Variants in ABCB7 observed in about 807,000 individuals in gnomAD.
ABCB7 encodes the protein ATP binding cassette subfamily B member 7.
Under a neutral mutation model 54.4 loss-of-function variants are expected in ABCB7, and 7 were observed. The ratio of observed to expected loss-of-function variants is 0.13; its 90% confidence interval spans 0.07 to 0.24. The LOEUF (loss-of-function observed/expected upper bound fraction) is 0.24. ABCB7 is among the 10% of genes least tolerant of loss of function. ABCB7 has a pLI of 1.00. For synonymous variants in ABCB7, 218 were observed against 207.1 expected (o/e 1.05, Z -0.45); for missense variants, 356 against 570.4 (o/e 0.62, Z 3.83).
At chrX:75,081,725 T>C (rs2081457228) in intron 4 of ABCB7, among the ~76,000 whole-genome samples, 1 of 111,812 alleles carries the variant, frequency 8.9e-6, no homozygotes, top group Non-Finnish European at 1.9e-5. Flanking sequence ...AATGTTCCAT[T>C]ACTATGCCAT....
intron 1 of ABCB7, among the ~76,000 whole-genome samples, chrX:75,154,656 G>T (rs1334795471): frequency 9.0e-6 from 1 of 111,435 alleles, no homozygotes; most frequent in African/African-American, 3.3e-5. Flanking sequence ...TCTTTAACTG[G>T]CTAACTTCTA....
intron 15 of ABCB7, 74 bp from the exon 16 acceptor site, chrX:75,053,659 T>G: frequency 8.7e-7 from 1 of 1,148,266 alleles, no homozygotes. Flanking sequence ...ACCAAATACT[T>G]TCTAACTAAG....
chrX:75,072,822 A>G (rs1481753111), intron 8 of ABCB7, among the ~76,000 whole-genome samples: 1 of 112,196 alleles, frequency 8.9e-6, no homozygotes, highest in Non-Finnish European at 1.9e-5. Context: ...AATTTTTAAA[A>G]ACTTTTTTAC....
intron 14 of ABCB7, among the ~76,000 whole-genome samples, chrX:75,061,725 T>G (rs1386095719): frequency 2.7e-5 from 3 of 112,198 alleles, no homozygotes; most frequent in Non-Finnish European, 5.6e-5. Flanking sequence ...CCATTGTTGT[T>G]GAGACTTTTG....
Position 75,099,080 on chromosome X carries a change from C to T in ABCB7, c.334-19G>A, listed in dbSNP as rs1220713251. ...CTTTTAACTATTGAAAGAGAGAAAA[C>T]AAAGCAGTGAATAACATGTCATTTC... On this transcript the variant is annotated intron_variant, in intron 3 of 15. Transcript: ENST00000373394. The T allele has an allele frequency of 1.7e-6, 2 of 1,198,723 alleles. No homozygotes were observed. The highest frequency in any genetic ancestry group is 2.3e-6 in the Non-Finnish European group (2 of 886,289).
chrX:75,154,250 G>C (rs961320727), intron 1 of ABCB7, among the ~76,000 whole-genome samples: 1 of 111,654 alleles, frequency 9.0e-6, no homozygotes, highest in African/African-American at 3.3e-5. Flanking sequence ...TGGAGATAGC[G>C]TTCATGGAAA....
intron 3 of ABCB7, among the ~76,000 whole-genome samples, chrX:75,112,138 T>C (rs2081766392): frequency 1.8e-5 from 2 of 111,624 alleles, no homozygotes; most frequent in African/African-American, 3.3e-5. Context: ...TTTCTATGAA[T>C]AAAATAATTA....
chrX:75,057,763 CT>C lies in ABCB7; in HGVS notation c.2043+2459del, dbSNP rs373357748. Among the ~76,000 whole-genome samples the C allele has an allele frequency of 8.2e-3, 798 of 97,009 alleles. 4 individuals are homozygous for C. Among genetic ancestry groups the C allele is most frequent in the Non-Finnish European group, 0.013 (630 of 49,270 alleles). The allele number at this position is 97,009 out of a possible 115,157, so 84.2% of individuals were successfully genotyped here. A position where few individuals can be genotyped will look rare whatever the true frequency, so the allele number is the denominator to read the frequency against. On this transcript the variant is annotated intron_variant, in intron 15 of 15. Coordinates refer to ENST00000373394, the MANE Select transcript of ABCB7 (RefSeq NM_001271696.3). ...TGTTGGGGTTCTCAAATACAAATAT[CT>C]TTTTTTTTTTTCCTGGGGCTGCTTT...
chrX:75,133,196 G>A (rs759297771), intron 1 of ABCB7, among the ~76,000 whole-genome samples: 1 of 112,115 alleles, frequency 8.9e-6, no homozygotes, highest in Non-Finnish European at 1.9e-5. Flanking sequence ...ACAAGGGGGA[G>A]TATTAACAGC....
chrX:75,156,060 T>C, intron 1 of ABCB7, 45 bp downstream of exon 1: 1 of 1,198,673 alleles, frequency 8.3e-7, no homozygotes. Context: ...TCCCTACAGG[T>C]CCCCTTGCCC....
At chrX:75,083,034 A>G (rs2081468457) in intron 4 of ABCB7, among the ~76,000 whole-genome samples, 2 of 111,936 alleles carry the variant, frequency 1.8e-5, no homozygotes. Context: ...AATTATTAAT[A>G]TATCAACATA....
chrX:75,145,509 G>A (rs1029753517), intron 1 of ABCB7, among the ~76,000 whole-genome samples: 2 of 111,478 alleles, frequency 1.8e-5, no homozygotes, highest in East Asian at 5.6e-4. Flanking sequence ...TACAGAAAAG[G>A]CTTTCAATAA....
At chrX:75,057,174 A>ACC (rs775820991) in intron 15 of ABCB7, among the ~76,000 whole-genome samples, 1 of 111,606 alleles carries the variant, frequency 9.0e-6, no homozygotes, top group South Asian at 3.7e-4. Context: ...ATCTCTTCTA[A>ACC]CCCTTTGTAC....
intron 4 of ABCB7, among the ~76,000 whole-genome samples, chrX:75,085,938 C>T (rs1334251908): frequency 9.1e-6 from 1 of 109,748 alleles, no homozygotes; most frequent in Non-Finnish European, 1.9e-5. Context: ...CTATCGCCTC[C>T]TGTGTTCAAG....
chrX:75,127,932 C>T (rs1203159261), intron 1 of ABCB7, among the ~76,000 whole-genome samples: 1 of 111,686 alleles, frequency 9.0e-6, no homozygotes, highest in Non-Finnish European at 1.9e-5. Flanking sequence ...CAAACCACTG[C>T]TCAAGGAAAT....
chrX:75,062,510 C>G (rs963205126), intron 13 of ABCB7, 79 bp from the exon 14 acceptor site: 193 of 707,696 alleles, frequency 2.7e-4, no homozygotes, highest in Non-Finnish European at 3.8e-4. Context: ...TGATTACAAC[C>G]ACCAAGTAAT....
At chrX:75,074,004 C>T (rs1381001398) in intron 6 of ABCB7, 48 bp from the exon 7 acceptor site, 2 of 1,040,408 alleles carry the variant, frequency 1.9e-6, no homozygotes, top group Non-Finnish European at 2.7e-6. Context: ...TATTGTTCTT[C>T]CCAAACAGTT....
chrX:75,081,441 G>A (rs1040372235), intron 4 of ABCB7, among the ~76,000 whole-genome samples: 1 of 111,861 alleles, frequency 8.9e-6, no homozygotes, highest in African/African-American at 3.2e-5. Context: ...GGGCTCCATG[G>A]CAAAATGGAG....
At chrX:75,100,394 C>A (rs1412747316) in intron 3 of ABCB7, among the ~76,000 whole-genome samples, 2 of 111,012 alleles carry the variant, frequency 1.8e-5, no homozygotes, top group East Asian at 5.7e-4. Flanking sequence ...GGATACCTCT[C>A]CAGTTATGTT....
Sources: gnomAD v4.1 joint callset for allele counts (sites outside exome capture counted in the v4.1 genomes callset) on GRCh38, gnomAD v4.1.1 for gene constraint, MANE v1.5 for transcripts, NCBI Gene and HGNC (gene_info 2026-07-23, HGNC 2026-07-21) for gene names.